EP400: variants seen among roughly 807,000 people sequenced by gnomAD.
The protein encoded by EP400 is E1A binding protein p400.
In EP400, 105 loss-of-function variants were observed where a neutral mutation model predicts 354.1. The ratio of observed to expected loss-of-function variants is 0.30; its 90% confidence interval spans 0.25 to 0.35. The LOEUF (loss-of-function observed/expected upper bound fraction) is 0.35, where lower values mean the gene tolerates loss of function less well. EP400 is among the 10% of genes least tolerant of loss of function. The pLI is 1.00. For synonymous variants in EP400, 1,646 were observed against 1,716.9 expected, an observed-to-expected ratio of 0.96 and a Z score of 1.02; for missense variants, 3,280 against 4,121.0, an observed-to-expected ratio of 0.80 and a Z score of 5.59.
Position 132,023,137 on chromosome 12 carries a change from T to C in EP400, c.4691-640T>C, listed in dbSNP as rs1466930747. 2.0e-5 allele frequency among the ~76,000 whole-genome samples: 3 copies of C among 151,056 alleles called. No homozygotes were observed. In the East Asian group the frequency reaches 5.8e-4, roughly 29 times the overall value. On this transcript the variant is annotated intron_variant, in intron 23 of 52. Transcript: ENST00000389561. ...TGTATTACAAATACATTTCTGCTTT[T>C]TTTTTTTTTTTGGAGATGGAGTTTC...
chr12:131,959,352 A>G (rs1419331146), intron 1 of EP400, among the ~76,000 whole-genome samples: 1 of 152,118 alleles, frequency 6.6e-6, no homozygotes, highest in Non-Finnish European at 1.5e-5. Context: ...GGGGAGAAAG[A>G]GCGACCACAG....
chr12:131,975,523 A>G (rs1322161024), intron 2 of EP400, among the ~76,000 whole-genome samples: 3 of 150,826 alleles, frequency 2.0e-5, no homozygotes, highest in Admixed American at 2.0e-4. Context: ...TTCTCTCTCA[A>G]TAATCTTTTT....
chr12:132,072,966 G>A (rs989084385), intron 51 of EP400, among the ~76,000 whole-genome samples: 2 of 152,050 alleles, frequency 1.3e-5, no homozygotes, highest in Non-Finnish European at 2.9e-5. Flanking sequence ...GGAAGTTTTT[G>A]GTCTGTGTTT....
At chr12:132,031,720 T>G (rs982526307) in intron 29 of EP400, among the ~76,000 whole-genome samples, 1 of 151,782 alleles carries the variant, frequency 6.6e-6, no homozygotes, top group Non-Finnish European at 1.5e-5. Context: ...CACGCCCAGC[T>G]AATTTTTTGT....
At chr12:132,076,223 AT>A in intron 51 of EP400, 1 of 468,356 alleles carries the variant, frequency 2.1e-6, no homozygotes. Context: ...TGATTCTTTC[AT>A]ATAAACTTGC....
At position 132,050,630 on chromosome 12, in the gene EP400, A is replaced by G; in HGVS notation, c.7369A>G (p.Lys2457Glu). The change falls in exon 41 of 53, where the codon AAG (lysine) becomes GAG (glutamate). Residue 2457 changes from lysine (K) to glutamate (E), a missense_variant. Around this residue, in one of 20 missense-constraint regions of EP400, gnomAD observed 29 missense variants for 86.0 expected, o/e 0.34. Transcript: ENST00000389561. This position sits in a 1 kb window ranked among gnomAD's most constrained non-coding sequence, Gnocchi z 4.8. ...LGMNPFQKNP[K>E]HASVLAESGI... The stretch of plus-strand genomic sequence containing the variant: ...CATGAATCCCTTTCAGAAGAACCCC[A>G]AGCACGCGTCTGTGTTGGCAGAAAG... 6.2e-7 allele frequency: 1 copy of G among 1,614,172 alleles called. No homozygotes were observed. The highest frequency in any genetic ancestry group is 8.5e-7 in the Non-Finnish European group (1 of 1,180,044).
At chr12:131,954,515 A>G (rs1466129519) in intron 1 of EP400, among the ~76,000 whole-genome samples, 1 of 152,124 alleles carries the variant, frequency 6.6e-6, no homozygotes, top group African/African-American at 2.4e-5. Flanking sequence ...ACTTGAGGTT[A>G]GGAGTTGGAG....
At position 132,062,581 on chromosome 12, in the gene EP400, G is replaced by A. The variant is rs1275088059; in HGVS notation, c.8214G>A (p.Gln2738=). Residue 2738 remains glutamine, a synonymous_variant, in exon 47 of 53, where the codon CAG becomes CAA. Transcript: ENST00000389561. ...QQQQQQQQQQ[Q]QQQQQQQQQQ... ...AGCAGCAGCAGCAGCAGCAGCAGCAGCAGCAGCAGCAACAGCAGCAGCAGC... is the reference window on the plus strand; with the variant it reads ...AGCAGCAGCAGCAGCAGCAGCAGCAACAGCAGCAGCAACAGCAGCAGCAGC... 7 of 1,606,994 alleles carry A rather than the reference G, an allele frequency of 4.4e-6. No individual in the cohort carries two copies. Among genetic ancestry groups the A allele is most frequent in the Non-Finnish European group, 6.0e-6 (7 of 1,175,408 alleles).
intron 29 of EP400, chr12:132,031,419 C>T: frequency 1.9e-6 from 1 of 517,830 alleles, no homozygotes; most frequent in Non-Finnish European, 3.9e-6. Flanking sequence ...GTTATTTAAA[C>T]TGTGCATGAG....
chr12:132,056,996 A>G (rs1006725097), intron 45 of EP400, among the ~76,000 whole-genome samples: 3 of 152,358 alleles, frequency 2.0e-5, no homozygotes, highest in African/African-American at 2.4e-5. Flanking sequence ...ATACACCACC[A>G]TGTGCCTGGG....
chr12:132,037,709 G>A lies in EP400; in HGVS notation c.5979G>A (p.Glu1993=). ...YRLVSGNSIE[E]KLLKNGTKDL... ...TTGTGAGTGGCAATTCCATTGAAGA[G>A]AAATTGTTGAAAAATGGAACTAAAG... The change falls in exon 31 of 53, where the codon GAG becomes GAA. Residue 1993 remains glutamate (E), a synonymous_variant. Coordinates refer to ENST00000389561, the MANE Select transcript of EP400 (RefSeq NM_015409.5). The A allele has an allele frequency of 6.2e-7, 1 of 1,614,222 alleles. No homozygotes were observed. The highest frequency in any genetic ancestry group is 1.1e-5 in the South Asian group (1 of 91,088).
rs1385020906 is a variant in EP400 at position 132,054,018 on chromosome 12, G to A, written c.7728+421G>A. Among the ~76,000 whole-genome samples, 5 of 152,352 alleles carry A rather than the reference G, an allele frequency of 3.3e-5. No homozygotes were observed. The East Asian group carries it at 9.6e-4, about 29-fold the overall frequency. ...CATGTGTGCTCCCCCACACAGGTCAGTCTTTAATGCCTGTTGTAGAAAAGC... is the reference window on the plus strand; with the variant it reads ...CATGTGTGCTCCCCCACACAGGTCAATCTTTAATGCCTGTTGTAGAAAAGC... On this transcript the variant is annotated intron_variant, in intron 43 of 52. Coordinates refer to ENST00000389561, the MANE Select transcript of EP400 (RefSeq NM_015409.5). The surrounding 1 kb of genome is among the most constrained non-coding windows in gnomAD (Gnocchi z 4.0).
chr12:132,009,027 C>T (rs564627955), intron 15 of EP400, among the ~76,000 whole-genome samples: 8 of 144,592 alleles, frequency 5.5e-5, no homozygotes, highest in Non-Finnish European at 1.2e-4. Context: ...GATCCTCCCA[C>T]CTCAGCCTCC....
At chr12:132,010,197 C>G (rs1354221408) in intron 15 of EP400, among the ~76,000 whole-genome samples, 1 of 151,708 alleles carries the variant, frequency 6.6e-6, no homozygotes. Context: ...AGTGATTCTC[C>G]TTCCTCAGCC....
At chr12:131,965,202 C>T (rs893517889) in intron 2 of EP400, among the ~76,000 whole-genome samples, 2 of 152,154 alleles carry the variant, frequency 1.3e-5, no homozygotes, top group Non-Finnish European at 2.9e-5. Flanking sequence ...TAACTCTGAC[C>T]ACTTCGTTAA....
At chr12:131,962,460 TAAC>T (rs1891920521) in intron 2 of EP400, among the ~76,000 whole-genome samples, 1 of 152,202 alleles carries the variant, frequency 6.6e-6, no homozygotes, top group Non-Finnish European at 1.5e-5. Context: ...CTTTTTATAA[TAAC>T]CAGCCATAAG....
intron 30 of EP400, among the ~76,000 whole-genome samples, chr12:132,032,958 GT>G (rs1252755456): frequency 6.7e-6 from 1 of 149,922 alleles, no homozygotes; most frequent in Non-Finnish European, 1.5e-5. Context: ...TTGTTTGTTT[GT>G]TTTTTGAGAC....
Position 131,955,562 on chromosome 12 carries a change from G to A in EP400, c.-35-5023G>A, listed in dbSNP as rs143917952. Among the ~76,000 whole-genome samples, 164 of 151,392 alleles carry A rather than the reference G, an allele frequency of 1.1e-3. 1 individual carries two copies. The highest frequency in any genetic ancestry group is 0.011 in the Middle Eastern group (3 of 284). ...CTCCCAAAGTGTTGGGATTACGGGCGTGAGCCAGCGTGCTCATCCAAGTTT... is the reference window on the plus strand; with the variant it reads ...CTCCCAAAGTGTTGGGATTACGGGCATGAGCCAGCGTGCTCATCCAAGTTT... On this transcript the variant is annotated intron_variant, in intron 1 of 52. Transcript: ENST00000389561.
intron 51 of EP400, among the ~76,000 whole-genome samples, chr12:132,074,693 C>G (rs751504400): frequency 1.1e-4 from 17 of 152,204 alleles, no homozygotes; most frequent in Admixed American, 2.6e-4. Flanking sequence ...TATTCTGAGT[C>G]ATGTCTTTCG....
Sources: gnomAD v4.1 joint callset for allele counts (sites outside exome capture counted in the v4.1 genomes callset) on GRCh38, gnomAD v4.1.1 for gene constraint, gnomAD v4.1.1 regional missense constraint, Gnocchi (gnomAD v3.1) non-coding constraint, MANE v1.5 for transcripts, NCBI Gene and HGNC (gene_info 2026-07-23, HGNC 2026-07-21) for gene names.